Variants in TBC1D16 observed in about 807,000 individuals in gnomAD.
TBC1D16 encodes the protein CTD-2529O21.1.
In TBC1D16, 58 loss-of-function variants were observed where a neutral mutation model predicts 74.7. The observed-to-expected ratio is 0.78, with a 90% confidence interval of 0.63 to 0.97. The LOEUF is 0.97. TBC1D16 is among the 50% of genes least tolerant of loss of function. The pLI is 0.00. For missense variants in TBC1D16, 1,014 were observed against 1,079.5 expected, an observed-to-expected ratio of 0.94 and a Z score of 0.85; for synonymous variants, 493 against 474.7, an observed-to-expected ratio of 1.04 and a Z score of -0.50.
intron 1 of TBC1D16, among the ~76,000 whole-genome samples, chr17:80,023,512 C>T (rs565385879): frequency 2.0e-5 from 3 of 150,302 alleles, no homozygotes; most frequent in South Asian, 2.1e-4. Flanking sequence ...CCCCGAATCT[C>T]AATCCTGCTT....
chr17:80,034,244 C>A (rs371773332), intron 1 of TBC1D16, among the ~76,000 whole-genome samples: 5 of 134,354 alleles, frequency 3.7e-5, no homozygotes, highest in African/African-American at 1.1e-4. Context: ...CTCTATCACC[C>A]GGGCTGGGGT....
rs534062616 is a variant in TBC1D16, at chr17:79,954,824, T to C, written c.780-2006A>G. 6.6e-6 allele frequency among the ~76,000 whole-genome samples: 1 copy of C among 152,198 alleles called. No individual in the cohort carries two copies. The highest frequency in any genetic ancestry group is 2.1e-4 in the South Asian group (1 of 4,826). On this transcript the variant is annotated intron_variant, in intron 3 of 11. Coordinates refer to ENST00000310924, the MANE Select transcript of TBC1D16 (RefSeq NM_019020.4). The surrounding 1 kb of genome is among the most constrained non-coding windows in gnomAD (Gnocchi z 5.5). ...TTTCCCGCCTCCTCCCCCAGCCTTCTTACCACACCCAACAGCAGAATCCCC... is the reference window on the plus strand; with the variant it reads ...TTTCCCGCCTCCTCCCCCAGCCTTCCTACCACACCCAACAGCAGAATCCCC...
Position 79,956,356 on chromosome 17 carries a change from C to T in TBC1D16, c.780-3538G>A, listed in dbSNP as rs988657833. On this transcript the variant is annotated intron_variant, in intron 3 of 11. Transcript: ENST00000310924. The surrounding 1 kb of genome is among the most constrained non-coding windows in gnomAD (Gnocchi z 4.0). ...GCAGCCTCAGCCTCCGGGGCTCAAG[C>T]GATCCTCCAGCCTCAGTCTCCCAAG... Among the ~76,000 whole-genome samples the T allele has an allele frequency of 5.9e-5, 9 of 152,226 alleles. No homozygotes were observed. The highest frequency in any genetic ancestry group is 2.2e-4 in the African/African-American group (9 of 41,462).
Position 79,942,062 on chromosome 17 carries a change from T to C in TBC1D16, c.2053A>G (p.Lys685Glu), listed in dbSNP as rs750833006. ...GCCCACATCTGGGGCAGCCTCACCT[T>C]CCGGAGAACGAGCTCCCCGTTCATG... is the stretch of plus-strand genomic sequence containing the variant. Reference protein sequence around the residue: ...MHMNGELVLRKARSLLYQFRL... With the variant: ...MHMNGELVLREARSLLYQFRL... Residue 685 changes from lysine to glutamate, a missense_variant and splice_region_variant, in exon 11 of 12, where the codon AAG becomes GAG. Physicochemically the swap from Lys to Glu is moderately conservative, Grantham distance 56. Transcript: ENST00000310924. 6.2e-7 allele frequency: 1 copy of C among 1,610,116 alleles called. No individual in the cohort carries two copies. The highest frequency in any genetic ancestry group is 8.5e-7 in the Non-Finnish European group (1 of 1,179,218).
chr17:79,945,149 G>A (rs1598319514), intron 9 of TBC1D16, 62 bp from the exon 10 acceptor site: 2 of 1,485,158 alleles, frequency 1.3e-6, no homozygotes, highest in South Asian at 1.3e-5. Context: ...TGCCCAGGAA[G>A]CCCACTCCCA....
rs138104697 is a variant in TBC1D16 at position 80,000,558 on chromosome 17, G to T, written c.779+9602C>A. 2.5e-3 allele frequency among the ~76,000 whole-genome samples: 380 copies of T among 152,310 alleles called. 1 individual carries two copies. Among genetic ancestry groups the T allele is most frequent in the Non-Finnish European group, 3.6e-3 (243 of 68,014 alleles). On this transcript the variant is annotated intron_variant, in intron 3 of 11. Transcript: ENST00000310924. The surrounding 1 kb of genome is among the most constrained non-coding windows in gnomAD (Gnocchi z 4.1). ...GACCTCTGGCTCCAGGACTGTGAGA[G>T]AATACATTTCTCTTGTTTCAAGCAC...
rs1404200662 is a variant in TBC1D16 at position 80,001,501 on chromosome 17, C to T, written c.779+8659G>A. The stretch of plus-strand genomic sequence containing the variant: ...GCTGCGCTGGGCCCGGAGGGGTGGG[C>T]GGGGGTTCCTGGAGCATCCTCAGGG... On this transcript the variant is annotated intron_variant, in intron 3 of 11. Transcript: ENST00000310924. This position sits in a 1 kb window ranked among gnomAD's most constrained non-coding sequence, Gnocchi z 5.8. Among the ~76,000 whole-genome samples the T allele has an allele frequency of 6.8e-6, 1 of 147,150 alleles. No homozygotes were observed. The highest frequency in any genetic ancestry group is 1.5e-5 in the Non-Finnish European group (1 of 66,912).
intron 3 of TBC1D16, among the ~76,000 whole-genome samples, chr17:79,968,989 T>C (rs181469199): frequency 3.1e-4 from 47 of 151,874 alleles, no homozygotes; most frequent in Admixed American, 8.5e-4. Flanking sequence ...GACAAATGAC[T>C]CAATTTAAAA....
In TBC1D16 at chr17:79,946,582, C is replaced by A. The variant is rs984102063; in HGVS notation, c.1728+1063G>T. The stretch of plus-strand genomic sequence containing the variant: ...GTCCTGGGGTGGGGACCCCATTCTA[C>A]AAGTCACACTCTGTGTCCTGGGGTG... On this transcript the variant is annotated intron_variant, in intron 9 of 11. Coordinates refer to ENST00000310924, the MANE Select transcript of TBC1D16 (RefSeq NM_019020.4). Among the ~76,000 whole-genome samples the A allele has an allele frequency of 4.6e-5, 7 of 152,040 alleles. No homozygotes were observed. The East Asian group carries it at 1.4e-3, about 30-fold the overall frequency.
At chr17:79,977,538 G>A (rs1464906764) in intron 3 of TBC1D16, among the ~76,000 whole-genome samples, 1 of 152,264 alleles carries the variant, frequency 6.6e-6, no homozygotes, top group Non-Finnish European at 1.5e-5. Flanking sequence ...AGCAGGATGG[G>A]GGTGACGGAG....
At chr17:80,026,843 G>A (rs572005578) in intron 1 of TBC1D16, among the ~76,000 whole-genome samples, 5 of 149,660 alleles carry the variant, frequency 3.3e-5, no homozygotes, top group Non-Finnish European at 4.4e-5. Flanking sequence ...TGTCAGGAAG[G>A]CTGCCCCAGT....
Position 79,934,359 on chromosome 17 carries a change from G to A in TBC1D16, c.*6500C>T, listed in dbSNP as rs1257788903. The A allele has an allele frequency of 2.0e-5, 3 of 152,336 alleles. No individual in the cohort carries two copies. Among genetic ancestry groups the A allele is most frequent in the Non-Finnish European group, 2.9e-5 (2 of 68,138 alleles). 9.4% of individuals were successfully genotyped at this position (152,336 alleles called of 1,614,324 possible). A position where few individuals can be genotyped will look rare whatever the true frequency, so the allele number is the denominator to read the frequency against. On this transcript the variant is annotated 3_prime_UTR_variant, in exon 12 of 12. Coordinates refer to ENST00000310924, the MANE Select transcript of TBC1D16 (RefSeq NM_019020.4). Reference sequence around the variant, plus strand: ...TCCCCCTGCAGGGCTGACCCGTGCAGGTGGGATCATCCTTCCTGAGGAGCT... The same window carrying A: ...TCCCCCTGCAGGGCTGACCCGTGCAAGTGGGATCATCCTTCCTGAGGAGCT...
chr17:79,962,491 G>C (rs554524358), intron 3 of TBC1D16, among the ~76,000 whole-genome samples: 2 of 151,658 alleles, frequency 1.3e-5, no homozygotes, highest in African/African-American at 4.8e-5. Context: ...GGGATTACAG[G>C]TGTGACCCAC....
At position 79,944,823 on chromosome 17, in the gene TBC1D16, C is replaced by T. The variant is rs138167797; in HGVS notation, c.1908+85G>A. 57 of 1,264,416 alleles carry T rather than the reference C, an allele frequency of 4.5e-5. No homozygotes were observed. The highest frequency in any genetic ancestry group is 6.0e-5 in the Non-Finnish European group (56 of 936,274). 78.3% of individuals were successfully genotyped at this position (1,264,416 alleles called of 1,614,324 possible). A position where few individuals can be genotyped will look rare whatever the true frequency, so the allele number is the denominator to read the frequency against. ...TGGCTGTGGGTGGGGGGCGGCGAGG[C>T]GGACAGGGGCAGCAGGCAGGGTGGC... On this transcript the variant is annotated intron_variant, in intron 10 of 11. Transcript: ENST00000310924. This position sits in a 1 kb window ranked among gnomAD's most constrained non-coding sequence, Gnocchi z 7.7.
At chr17:80,025,505 A>G (rs529849224) in intron 1 of TBC1D16, among the ~76,000 whole-genome samples, 14 of 149,580 alleles carry the variant, frequency 9.4e-5, no homozygotes, top group Admixed American at 5.2e-4. Flanking sequence ...GGCCTGGCAA[A>G]TGCCCCCGGA....
intron 10 of TBC1D16, among the ~76,000 whole-genome samples, chr17:79,943,356 G>A (rs1426544094): frequency 6.6e-6 from 1 of 152,114 alleles, no homozygotes; most frequent in Non-Finnish European, 1.5e-5. Context: ...GGGAGAGGGA[G>A]GGCACGATCT....
In TBC1D16 at chr17:79,981,362, T is replaced by C. The variant is rs991488358; in HGVS notation, c.780-28544A>G. 6.6e-6 allele frequency among the ~76,000 whole-genome samples: 1 copy of C among 152,166 alleles called. No individual in the cohort carries two copies. Among genetic ancestry groups the C allele is most frequent in the East Asian group, 1.9e-4 (1 of 5,184 alleles). ...GGCGGGTATGTTCTTAGACCCTCCA[T>C]CTGCCCGGGCCCTGCTGGGAGAAGG... On this transcript the variant is annotated intron_variant, in intron 3 of 11. Transcript: ENST00000310924. The surrounding 1 kb of genome is among the most constrained non-coding windows in gnomAD (Gnocchi z 6.9).
intron 1 of TBC1D16, among the ~76,000 whole-genome samples, chr17:80,023,667 A>AACC (rs150376957): frequency 4.2e-5 from 6 of 142,604 alleles, no homozygotes; most frequent in African/African-American, 1.1e-4. Flanking sequence ...GCCCCCCCCC[A>AACC]CCGGCTCAGG....
chr17:80,013,652 G>C, intron 1 of TBC1D16, 43 bp from the exon 2 acceptor site: 3 of 1,267,456 alleles, frequency 2.4e-6, no homozygotes, highest in Middle Eastern at 2.8e-4. Context: ...TTGTGGACTT[G>C]CGTTCTGTCT....
Sources: allele counts gnomAD v4.1 joint callset (sites outside exome capture counted in the v4.1 genomes callset), GRCh38; gene constraint gnomAD v4.1.1; non-coding constraint Gnocchi (gnomAD v3.1); transcripts MANE v1.5; gene names NCBI Gene and HGNC (gene_info 2026-07-23, HGNC 2026-07-21).